The following ACOXL variants were observed in gnomAD, a reference collection of about 807,000 sequenced individuals.
ACOXL encodes the protein acyl-CoA oxidase like.
ACOXL carries 70 observed loss-of-function variants against 71.9 expected under a neutral mutation model. That is an observed-to-expected ratio of 0.97 (90% CI 0.80 to 1.19). The LOEUF is 1.19. Ranked by LOEUF, ACOXL falls within the 50% of genes most tolerant of loss-of-function variation. ACOXL has a pLI of 0.00. For missense variants in ACOXL, 703 were observed against 736.3 expected (o/e 0.95, Z 0.52); for synonymous variants, 253 against 281.6 (o/e 0.90, Z 1.02).
intron 1 of ACOXL, among the ~76,000 whole-genome samples, chr2:110,736,783 C>G (rs1484203814): frequency 6.6e-6 from 1 of 152,192 alleles, no homozygotes; most frequent in East Asian, 1.9e-4. Flanking sequence ...CCACACCTGG[C>G]TAATTTTTTG....
chr2:110,770,049 A>G (rs1681687181), intron 2 of ACOXL, among the ~76,000 whole-genome samples: 2 of 152,014 alleles, frequency 1.3e-5, no homozygotes, highest in African/African-American at 4.8e-5. Context: ...TCTCAAAATG[A>G]ACAAACAAAC....
chr2:110,982,034 A>G (rs933075802), intron 12 of ACOXL, among the ~76,000 whole-genome samples: 4 of 152,206 alleles, frequency 2.6e-5, no homozygotes, highest in African/African-American at 9.7e-5. Flanking sequence ...AACCGCTCTT[A>G]AGTTCGATTG....
In ACOXL at chr2:110,855,908, G is replaced by A. The variant is rs547332920; in HGVS notation, c.788+14503G>A. 4.9e-4 allele frequency among the ~76,000 whole-genome samples: 75 copies of A among 152,326 alleles called. No homozygotes were observed. The East Asian group carries it at 6.5e-3, about 13-fold the overall frequency. ...CCACAGGGTGGAAGGGGACCCCAGC[G>A]GGTTGCCGCTGCTGGCTGGGGTGGC... On this transcript the variant is annotated intron_variant, in intron 10 of 17. Transcript: ENST00000439055.
At chr2:110,741,164 G>A (rs1677482849) in intron 1 of ACOXL, among the ~76,000 whole-genome samples, 2 of 152,178 alleles carry the variant, frequency 1.3e-5, no homozygotes, top group African/African-American at 2.4e-5. Context: ...GATTTCCAGT[G>A]TGTTTATCTG....
At chr2:110,938,043 C>A (rs1368630324) in intron 12 of ACOXL, among the ~76,000 whole-genome samples, 2 of 152,222 alleles carry the variant, frequency 1.3e-5, no homozygotes, top group African/African-American at 4.8e-5. Flanking sequence ...AGACAGGTGG[C>A]TGCAGAGCCC....
chr2:110,747,928 C>T (rs994593460), intron 1 of ACOXL, among the ~76,000 whole-genome samples: 2 of 152,132 alleles, frequency 1.3e-5, no homozygotes, highest in East Asian at 3.9e-4. Context: ...CACATATGCC[C>T]CTCTTATTGG....
intron 9 of ACOXL, among the ~76,000 whole-genome samples, chr2:110,807,140 C>T (rs13391847): frequency 4.6e-5 from 7 of 152,198 alleles, no homozygotes; most frequent in East Asian, 1.9e-4. Flanking sequence ...ACTTCATTCC[C>T]GGCAACACGG....
At chr2:111,111,554 T>C (rs1252536120) in intron 17 of ACOXL, among the ~76,000 whole-genome samples, 1 of 152,228 alleles carries the variant, frequency 6.6e-6, no homozygotes, top group Non-Finnish European at 1.5e-5. Context: ...AAAACATTTA[T>C]ATGGTTTCCT....
At chr2:110,811,933 G>A (rs1456064364) in intron 9 of ACOXL, among the ~76,000 whole-genome samples, 5 of 152,108 alleles carry the variant, frequency 3.3e-5, no homozygotes, top group African/African-American at 1.2e-4. Context: ...GACCACCAGA[G>A]GGCAGAAAAT....
At chr2:110,883,298 C>T (rs904416208) in intron 10 of ACOXL, among the ~76,000 whole-genome samples, 47 of 151,882 alleles carry the variant, frequency 3.1e-4, no homozygotes, top group African/African-American at 9.9e-4. Context: ...TTAGTGGAGA[C>T]GGGGTTTCAT....
intron 1 of ACOXL, among the ~76,000 whole-genome samples, chr2:110,750,420 C>T (rs1678774820): frequency 6.6e-6 from 1 of 151,966 alleles, no homozygotes. Flanking sequence ...CTGCCCCTGT[C>T]CTAGAATCAG....
intron 1 of ACOXL, among the ~76,000 whole-genome samples, chr2:110,737,176 T>C (rs115736785): frequency 0.012 from 1,903 of 152,344 alleles, 35 homozygotes; most frequent in African/African-American, 0.044. Flanking sequence ...AATGAACTTA[T>C]ACTGTGAGGT....
chr2:110,933,730 C>T, intron 12 of ACOXL, 88 bp downstream of exon 12: 1 of 1,451,970 alleles, frequency 6.9e-7, no homozygotes, highest in East Asian at 2.5e-5. Context: ...TAACATGCTT[C>T]AGAGTCTAAT....
intron 1 of ACOXL, among the ~76,000 whole-genome samples, chr2:110,757,551 C>T (rs146469918): frequency 0.012 from 1,810 of 152,206 alleles, 132 homozygotes; most frequent in Admixed American, 0.11. Flanking sequence ...TCCGCAACCT[C>T]GCCGGCATCT....
At chr2:111,005,191 G>T (rs2149639949) in intron 14 of ACOXL, among the ~76,000 whole-genome samples, 1 of 152,300 alleles carries the variant, frequency 6.6e-6, no homozygotes, top group Non-Finnish European at 1.5e-5. Context: ...ACTTCAGGGT[G>T]TATAAGACTC....
At chr2:111,008,220 CTCTATATCCTG>C (rs2063968389) in intron 14 of ACOXL, among the ~76,000 whole-genome samples, 1 of 152,088 alleles carries the variant, frequency 6.6e-6, no homozygotes, top group African/African-American at 2.4e-5. Context: ...TTTGGGTTTC[CTCTATATCCTG>C]GTTGCTTTTA....
chr2:110,857,851 G>A (rs926650712), intron 10 of ACOXL, among the ~76,000 whole-genome samples: 1 of 151,872 alleles, frequency 6.6e-6, no homozygotes, highest in African/African-American at 2.4e-5. Context: ...TCAGCCTCCC[G>A]AGCAGATGGA....
rs1270933452 is a variant in ACOXL, at chr2:110,798,632, G to A, written c.368G>A (p.Cys123Tyr). The A allele has an allele frequency of 1.2e-6, 2 of 1,614,116 alleles. No individual in the cohort carries two copies. Among genetic ancestry groups the A allele is most frequent in the Admixed American group, 1.7e-5 (1 of 60,022 alleles). ...SAQEFVIDTP[C>Y]ENAEKMYIGN... ...TAGGAGTTTGTAATTGACACGCCGTGTGAAAATGCGGAGAAGATGTATATT... is the reference window on the plus strand; with the variant it reads ...TAGGAGTTTGTAATTGACACGCCGTATGAAAATGCGGAGAAGATGTATATT... Residue 123 changes from cysteine to tyrosine, a missense_variant, in exon 6 of 18, where the codon TGT (cysteine) becomes TAT (tyrosine). Cys to Tyr is a radical substitution (Grantham distance 194, BLOSUM62 -2). Coordinates refer to ENST00000439055, the MANE Select transcript of ACOXL (RefSeq NM_001142807.4).
intron 11 of ACOXL, among the ~76,000 whole-genome samples, chr2:110,909,806 G>C (rs1574082116): frequency 1.3e-5 from 2 of 150,982 alleles, no homozygotes; most frequent in South Asian, 4.2e-4. Flanking sequence ...GGGTGCACCT[G>C]TGTTCTTATT....
Sources: gnomAD v4.1 joint callset for allele counts (sites outside exome capture counted in the v4.1 genomes callset) on GRCh38, gnomAD v4.1.1 for gene constraint, MANE v1.5 for transcripts, NCBI Gene and HGNC (gene_info 2026-07-23, HGNC 2026-07-21) for gene names.